MAGI2: variants seen among roughly 807,000 people sequenced by gnomAD.
The protein encoded by MAGI2 is membrane associated guanylate kinase, WW and PDZ domain containing 2.
Under a neutral mutation model 133.3 loss-of-function variants are expected in MAGI2, and 35 were observed. The ratio of observed to expected loss-of-function variants is 0.26; its 90% CI spans 0.20 to 0.35. The LOEUF is 0.35. Ranked by LOEUF, MAGI2 falls within the 10% of genes least tolerant of loss-of-function variation. The pLI is 1.00. For synonymous variants in MAGI2, 729 were observed against 710.6 expected (o/e 1.03, Z -0.41); for missense variants, 1,636 against 1,863.4 (o/e 0.88, Z 2.25).
chr7:78,513,175 C>T (rs1795751672), intron 4 of MAGI2, among the ~76,000 whole-genome samples: 1 of 151,924 alleles, frequency 6.6e-6, no homozygotes, highest in African/African-American at 2.4e-5. Context: ...AGGCCACTTT[C>T]TGAAGTTCCA....
chr7:79,188,373 G>A (rs189375882), intron 1 of MAGI2, among the ~76,000 whole-genome samples: 4 of 151,872 alleles, frequency 2.6e-5, no homozygotes, highest in Admixed American at 6.6e-5. Context: ...GAGAACATGT[G>A]GTGTTTGGTT....
At chr7:78,553,645 CT>C (rs1799548806) in intron 3 of MAGI2, among the ~76,000 whole-genome samples, 1 of 152,212 alleles carries the variant, frequency 6.6e-6, no homozygotes, top group South Asian at 2.1e-4. Flanking sequence ...GTTCTAGACA[CT>C]GTCCTGGGTG....
At chr7:78,555,849 T>C (rs1238520391) in intron 3 of MAGI2, among the ~76,000 whole-genome samples, 3 of 152,226 alleles carry the variant, frequency 2.0e-5, no homozygotes, top group Non-Finnish European at 2.9e-5. Context: ...CATGTTTCTA[T>C]TGCATTTATA....
chr7:78,522,098 A>G (rs1039545569), intron 3 of MAGI2, among the ~76,000 whole-genome samples: 1 of 152,132 alleles, frequency 6.6e-6, no homozygotes, highest in Non-Finnish European at 1.5e-5. Context: ...CTTTCAAAGG[A>G]TTATGGCTAT....
rs62469573 is a variant in MAGI2, at chr7:78,781,414, G to A, written c.419-154175C>T. On this transcript the variant is annotated intron_variant, in intron 2 of 21. Coordinates refer to ENST00000354212, the MANE Select transcript of MAGI2 (RefSeq NM_012301.4). ...AAAAAAAAAAAGAATATAGCAGAGG[G>A]TTAAATGTGAAGAGCCTACTATGTA... 5.2e-3 allele frequency among the ~76,000 whole-genome samples: 790 copies of A among 150,986 alleles called. 5 individuals are homozygous for A. The highest frequency in any genetic ancestry group is 6.9e-3 in the Non-Finnish European group (469 of 67,778).
intron 1 of MAGI2, among the ~76,000 whole-genome samples, chr7:79,058,528 T>G (rs1813382105): frequency 6.6e-6 from 1 of 152,118 alleles, no homozygotes; most frequent in Non-Finnish European, 1.5e-5. Context: ...ACTTTTACCC[T>G]CATGCCCACA....
chr7:78,654,454 T>C (rs188501304), intron 2 of MAGI2, among the ~76,000 whole-genome samples: 6 of 152,032 alleles, frequency 3.9e-5, no homozygotes, highest in African/African-American at 1.4e-4. Context: ...ACATATCAAA[T>C]AGGTTTGGGG....
At chr7:79,192,979 G>A (rs989508925) in intron 1 of MAGI2, among the ~76,000 whole-genome samples, 8 of 151,972 alleles carry the variant, frequency 5.3e-5, no homozygotes, top group Admixed American at 4.6e-4. Flanking sequence ...TGAGGGCAGA[G>A]TGGGCAGAGA....
intron 1 of MAGI2, among the ~76,000 whole-genome samples, chr7:79,171,770 A>ATATATT: frequency 6.4e-5 from 2 of 31,204 alleles, no homozygotes; most frequent in Non-Finnish European, 1.1e-4. Flanking sequence ...ATATATATAT[A>ATATATT]TTTTTTTTTT....
chr7:78,275,183 T>C (rs1361037750), intron 9 of MAGI2, among the ~76,000 whole-genome samples: 3 of 152,154 alleles, frequency 2.0e-5, no homozygotes, highest in African/African-American at 4.8e-5. Flanking sequence ...TCTCATGGCT[T>C]CCCTTGGGAA....
intron 2 of MAGI2, among the ~76,000 whole-genome samples, chr7:78,691,469 T>C (rs992277992): frequency 1.3e-5 from 2 of 152,178 alleles, no homozygotes; most frequent in Non-Finnish European, 2.9e-5. Context: ...ACAGGGTACT[T>C]AGATGAATTA....
At chr7:79,172,414 C>T (rs540510779) in intron 1 of MAGI2, among the ~76,000 whole-genome samples, 38 of 151,918 alleles carry the variant, frequency 2.5e-4, no homozygotes, top group African/African-American at 8.9e-4. Flanking sequence ...CAAATTCAGA[C>T]AAAAGATTAG....
chr7:79,245,018 C>T (rs1484378680), intron 1 of MAGI2, among the ~76,000 whole-genome samples: 2 of 152,168 alleles, frequency 1.3e-5, no homozygotes, highest in Non-Finnish European at 2.9e-5. Flanking sequence ...TAGATACACC[C>T]TGGGCCAGAA....
At chr7:78,573,076 T>TAC (rs1217454892) in intron 3 of MAGI2, among the ~76,000 whole-genome samples, 672 of 52,340 alleles carry the variant, frequency 0.013, 17 homozygotes, top group African/African-American at 0.025. Flanking sequence ...TATATATATA[T>TAC]ACACACACAC....
At chr7:78,763,532 A>T (rs1355489837) in intron 2 of MAGI2, among the ~76,000 whole-genome samples, 1 of 152,200 alleles carries the variant, frequency 6.6e-6, no homozygotes, top group Non-Finnish European at 1.5e-5. Flanking sequence ...CGAAGGGATG[A>T]CTTATATACT....
At chr7:78,064,924 A>G (rs1177461540) in intron 21 of MAGI2, among the ~76,000 whole-genome samples, 1 of 152,190 alleles carries the variant, frequency 6.6e-6, no homozygotes, top group Non-Finnish European at 1.5e-5. Flanking sequence ...CCAACACTTG[A>G]GAATATTCCT....
chr7:78,216,466 C>G (rs746656352), intron 10 of MAGI2, among the ~76,000 whole-genome samples: 18 of 152,170 alleles, frequency 1.2e-4, no homozygotes, highest in Admixed American at 2.0e-4. Flanking sequence ...AGTGAAAATC[C>G]TTTGTAGGAC....
At chr7:79,269,392 G>A (rs966684413) in intron 1 of MAGI2, among the ~76,000 whole-genome samples, 6 of 152,094 alleles carry the variant, frequency 3.9e-5, no homozygotes, top group African/African-American at 1.4e-4. Context: ...CAGAATTTCT[G>A]GGTAGAAGAC....
chr7:79,244,732 C>T (rs1832697494), intron 1 of MAGI2, among the ~76,000 whole-genome samples: 1 of 152,144 alleles, frequency 6.6e-6, no homozygotes, highest in South Asian at 2.1e-4. Flanking sequence ...GGCTTGGAGC[C>T]AGTGGACTTG....
Sources: gnomAD v4.1 joint callset for allele counts (sites outside exome capture counted in the v4.1 genomes callset) on GRCh38, gnomAD v4.1.1 for gene constraint, MANE v1.5 for transcripts, NCBI Gene and HGNC (gene_info 2026-07-23, HGNC 2026-07-21) for gene names.